Variants in PADI1 observed in about 807,000 individuals in gnomAD.
The protein encoded by PADI1 is protein-arginine deiminase type-1.
A neutral mutation model predicts 74.8 loss-of-function variants in PADI1; 65 were observed. The ratio of observed to expected loss-of-function variants is 0.87; its 90% CI spans 0.71 to 1.07. The LOEUF (loss-of-function observed/expected upper bound fraction) is 1.07, where lower values mean the gene tolerates loss of function less well. PADI1 is among the 50% of genes least tolerant of loss of function. PADI1 has a pLI of 0.00. For synonymous variants in PADI1, 371 were observed against 336.2 expected, an observed-to-expected ratio of 1.10 and a Z score of -1.13; for missense variants, 943 against 854.0, an observed-to-expected ratio of 1.10 and a Z score of -1.30.
Position 17,240,759 on chromosome 1 carries a change from T to C in PADI1, c.1757T>C (p.Met586Thr). 6.2e-7 allele frequency: 1 copy of C among 1,613,578 alleles called. No individual in the cohort carries two copies. Among genetic ancestry groups the C allele is most frequent in the Non-Finnish European group, 8.5e-7 (1 of 1,179,654 alleles). ...TACGCGGAAGCCTTCTTCCCAGACA[T>C]GGTGAGAGCCCTTGTGCAGGGTCCT... ...NFYAEAFFPDMVNMVVLGKYL... is the reference protein window; with the variant it reads ...NFYAEAFFPDTVNMVVLGKYL... The change falls in exon 15 of 16, where the codon ATG becomes ACG. Residue 586 changes from methionine (M) to threonine (T), a missense_variant and splice_region_variant. Physicochemically the swap from Met to Thr is moderately conservative, Grantham distance 81. Transcript: ENST00000375471.
chr1:17,219,643 C>T (rs1387236289), intron 1 of PADI1, among the ~76,000 whole-genome samples: 1 of 152,042 alleles, frequency 6.6e-6, no homozygotes, highest in Non-Finnish European at 1.5e-5. Flanking sequence ...GGAGCTGGCA[C>T]CCTCGAGATG....
At chr1:17,213,405 C>T (rs1158672609) in intron 1 of PADI1, among the ~76,000 whole-genome samples, 5 of 152,202 alleles carry the variant, frequency 3.3e-5, no homozygotes, top group Non-Finnish European at 7.3e-5. Flanking sequence ...AGATAAACAT[C>T]GTCCTATAAA....
At chr1:17,222,611 G>T in intron 2 of PADI1, 141 bp downstream of exon 2, 1 of 665,414 alleles carries the variant, frequency 1.5e-6, no homozygotes, top group Admixed American at 2.8e-5. Context: ...TACACAAAAC[G>T]TATCCTGATA....
At chr1:17,219,112 C>T (rs983318238) in intron 1 of PADI1, among the ~76,000 whole-genome samples, 9 of 152,118 alleles carry the variant, frequency 5.9e-5, no homozygotes, top group African/African-American at 1.2e-4. Flanking sequence ...CATGGTCAGC[C>T]GCGTGGTGCA....
At position 17,235,277 on chromosome 1, in the gene PADI1, A is replaced by G. The variant is rs112172789; in HGVS notation, c.1314-2037A>G. ...AGGGAGGAAGGGAAGGAAGGAAGGA[A>G]GGAAGGAAGGAAGGAGGGAAGGAAG... On this transcript the variant is annotated intron_variant, in intron 11 of 15. Transcript: ENST00000375471. Among the ~76,000 whole-genome samples the G allele has an allele frequency of 2.6e-4, 26 of 100,200 alleles. 1 individual carries two copies. Among genetic ancestry groups the G allele is most frequent in the African/African-American group, 6.3e-4 (14 of 22,338 alleles). The allele number at this position is 100,200 out of a possible 152,430, so 65.7% of individuals were successfully genotyped here. A position where few individuals can be genotyped will look rare whatever the true frequency, so the allele number is the denominator to read the frequency against.
At chr1:17,232,500 T>C (rs1053487878) in intron 10 of PADI1, among the ~76,000 whole-genome samples, 2 of 152,244 alleles carry the variant, frequency 1.3e-5, no homozygotes, top group Admixed American at 6.5e-5. Flanking sequence ...CAGCAGATTT[T>C]TATGAATTTC....
At chr1:17,220,229 G>C (rs1244145224) in intron 1 of PADI1, among the ~76,000 whole-genome samples, 1 of 152,048 alleles carries the variant, frequency 6.6e-6, no homozygotes, top group East Asian at 1.9e-4. Context: ...CTTTGCTTTG[G>C]GGGGTTGTGA....
intron 1 of PADI1, among the ~76,000 whole-genome samples, chr1:17,211,427 C>G (rs537404639): frequency 4.6e-5 from 7 of 152,012 alleles, no homozygotes; most frequent in African/African-American, 7.3e-5. Context: ...CCAAAGTGCT[C>G]GGATTACAGG....
At chr1:17,215,748 T>G (rs1022918257) in intron 1 of PADI1, among the ~76,000 whole-genome samples, 1 of 152,186 alleles carries the variant, frequency 6.6e-6, no homozygotes, top group African/African-American at 2.4e-5. Flanking sequence ...ACGCGTTGAT[T>G]GTGCCCCTGG....
At chr1:17,207,221 C>T (rs1263880369) in intron 1 of PADI1, among the ~76,000 whole-genome samples, 1 of 152,170 alleles carries the variant, frequency 6.6e-6, no homozygotes, top group Non-Finnish European at 1.5e-5. Flanking sequence ...CCACTGACTT[C>T]CTGCTGGATG....
At chr1:17,233,024 A>T in intron 11 of PADI1, 54 bp downstream of exon 11, 2 of 1,437,324 alleles carry the variant, frequency 1.4e-6, no homozygotes. Flanking sequence ...TGCAGCATCC[A>T]CCCTCCCTGT....
intron 11 of PADI1, among the ~76,000 whole-genome samples, chr1:17,234,803 GATCACAT>G (rs1337343251): frequency 1.3e-5 from 2 of 152,222 alleles, no homozygotes; most frequent in Admixed American, 6.5e-5. Flanking sequence ...TCAGAGAGGG[GATCACAT>G]ATCATCCCAC....
intron 15 of PADI1, among the ~76,000 whole-genome samples, chr1:17,243,335 C>T (rs1271472189): frequency 6.6e-6 from 1 of 152,224 alleles, no homozygotes; most frequent in Admixed American, 6.5e-5. Context: ...TCAGCCCTTT[C>T]CCCCAACTCC....
At position 17,240,697 on chromosome 1, in the gene PADI1, C is replaced by A. The variant is rs144817306; in HGVS notation, c.1695C>A (p.Ile565=). ...KRELGLAESD[I]VDIPQLFFLK... is the part of the protein sequence containing the mutation. ...AGCTGGGCCTGGCAGAGAGTGACAT[C>A]GTGGACATTCCCCAGCTCTTCTTCC... Residue 565 remains isoleucine, a synonymous_variant, in exon 15 of 16, where the codon ATC becomes ATA. Coordinates refer to ENST00000375471, the MANE Select transcript of PADI1 (RefSeq NM_013358.3). 4 of 1,613,912 alleles carry A rather than the reference C, an allele frequency of 2.5e-6. No homozygotes were observed. The Admixed American group carries it at 6.7e-5, about 27-fold the overall frequency.
At chr1:17,215,961 G>A (rs2071967045) in intron 1 of PADI1, among the ~76,000 whole-genome samples, 1 of 152,156 alleles carries the variant, frequency 6.6e-6, no homozygotes, top group Non-Finnish European at 1.5e-5. Flanking sequence ...TTTGTGTCAC[G>A]CCATTTGCAA....
At chr1:17,219,858 G>A (rs2072087333) in intron 1 of PADI1, among the ~76,000 whole-genome samples, 1 of 152,126 alleles carries the variant, frequency 6.6e-6, no homozygotes, top group Non-Finnish European at 1.5e-5. Context: ...TGGCTGAAGG[G>A]GAGGCCATGC....
At chr1:17,222,941 T>C (rs912288139) in intron 2 of PADI1, among the ~76,000 whole-genome samples, 5 of 113,010 alleles carry the variant, frequency 4.4e-5, no homozygotes, top group African/African-American at 2.2e-4. Context: ...CCCTCCTCAC[T>C]CGCCCCAGCC....
chr1:17,240,207 A>G (rs550232205), intron 14 of PADI1: 1 of 236,322 alleles, frequency 4.2e-6, no homozygotes, highest in African/African-American at 2.2e-5. Context: ...CCCCAAGGAT[A>G]AAAAATGCCT....
At position 17,240,754 on chromosome 1, in the gene PADI1, A is replaced by G. The variant is rs2072758829; in HGVS notation, c.1752A>G (p.Pro584=). 1 of 1,613,732 alleles carries G rather than the reference A, an allele frequency of 6.2e-7. No individual in the cohort carries two copies. The highest frequency in any genetic ancestry group is 8.5e-7 in the Non-Finnish European group (1 of 1,179,756). Residue 584 remains proline, a synonymous_variant, in exon 15 of 16, where the codon CCA becomes CCG. Transcript: ENST00000375471. ...ACTTCTACGCGGAAGCCTTCTTCCCAGACATGGTGAGAGCCCTTGTGCAGG... is the reference window on the plus strand; with the variant it reads ...ACTTCTACGCGGAAGCCTTCTTCCCGGACATGGTGAGAGCCCTTGTGCAGG... The part of the protein sequence containing the change: ...LKNFYAEAFF[P]DMVNMVVLGK...
Sources: gnomAD v4.1 joint callset for allele counts (sites outside exome capture counted in the v4.1 genomes callset) on GRCh38, gnomAD v4.1.1 for gene constraint, MANE v1.5 for transcripts, NCBI Gene and HGNC (gene_info 2026-07-23, HGNC 2026-07-21) for gene names.